Variants in KIRREL1 observed in about 807,000 individuals in gnomAD.
KIRREL1 encodes the protein kirre like nephrin family adhesion molecule 1, also known as kin of IRRE-like protein 1.
Under a neutral mutation model 83.3 loss-of-function variants are expected in KIRREL1, and 25 were observed. The observed-to-expected ratio is 0.30, with a 90% CI of 0.22 to 0.42. The LOEUF (loss-of-function observed/expected upper bound fraction) is 0.42. Among genes scored for constraint, KIRREL1 ranks in the 10% least tolerant of loss-of-function variants. KIRREL1 has a pLI of 1.00. For synonymous variants in KIRREL1, 388 were observed against 410.4 expected, an observed-to-expected ratio of 0.95 and a Z score of 0.66; for missense variants, 812 against 1,032.3, an observed-to-expected ratio of 0.79 and a Z score of 2.92.
chr1:158,007,559 C>A (rs1164200406), intron 1 of KIRREL1, among the ~76,000 whole-genome samples: 5 of 152,044 alleles, frequency 3.3e-5, no homozygotes, highest in African/African-American at 1.2e-4. Context: ...CAGGCAGAGC[C>A]CCCCGACACC....
At chr1:158,026,159 C>T (rs1660164273) in intron 1 of KIRREL1, among the ~76,000 whole-genome samples, 1 of 152,198 alleles carries the variant, frequency 6.6e-6, no homozygotes, top group Non-Finnish European at 1.5e-5. Flanking sequence ...GCTGGGGTTT[C>T]TACTCCCCAG....
At chr1:158,076,570 G>A (rs1440979617) in intron 2 of KIRREL1, among the ~76,000 whole-genome samples, 1 of 152,196 alleles carries the variant, frequency 6.6e-6, no homozygotes, top group East Asian at 1.9e-4. Flanking sequence ...GCTGCAGGCA[G>A]ACAGCTGTCT....
intron 4 of KIRREL1, among the ~76,000 whole-genome samples, chr1:158,085,181 A>T (rs190564035): frequency 5.0e-4 from 76 of 152,358 alleles, no homozygotes; most frequent in Admixed American, 7.8e-4. Context: ...GCCCAGGATT[A>T]CATAGCAAAG....
chr1:158,088,275 G>C, intron 7 of KIRREL1, 52 bp from the exon 8 acceptor site: 16 of 1,601,162 alleles, frequency 1.0e-5, no homozygotes, highest in Non-Finnish European at 1.3e-5. Flanking sequence ...ATTGATTGGA[G>C]TTAACCCCAT....
chr1:158,023,473 A>T (rs1455010512), intron 1 of KIRREL1, among the ~76,000 whole-genome samples: 1 of 152,216 alleles, frequency 6.6e-6, no homozygotes, highest in African/African-American at 2.4e-5. Flanking sequence ...CAAATATAGC[A>T]AAGAGACAGA....
At position 158,068,583 on chromosome 1, in the gene KIRREL1, C is replaced by T. The variant is rs376755763; in HGVS notation, c.53-7530C>T. 6.6e-5 allele frequency among the ~76,000 whole-genome samples: 10 copies of T among 152,356 alleles called. No homozygotes were observed. The East Asian group carries it at 1.2e-3, about 18-fold the overall frequency. The stretch of plus-strand genomic sequence containing the variant: ...AGGTTTCTTTCTCTGGATCTGTCCT[C>T]ACCCTGCCCAGCCCCAGCTCAGCAC... On this transcript the variant is annotated intron_variant, in intron 1 of 14. Coordinates refer to ENST00000359209, the MANE Select transcript of KIRREL1 (RefSeq NM_018240.7).
chr1:158,048,582 C>G (rs1283485968), intron 1 of KIRREL1, among the ~76,000 whole-genome samples: 1 of 152,126 alleles, frequency 6.6e-6, no homozygotes, highest in Non-Finnish European at 1.5e-5. Context: ...TGGAAGAGAC[C>G]GTGGAGATGT....
intron 5 of KIRREL1, 83 bp from the exon 6 acceptor site, chr1:158,087,672 C>A: frequency 1.1e-6 from 1 of 898,774 alleles, no homozygotes; most frequent in South Asian, 1.7e-5. Flanking sequence ...CCAGAGTGGT[C>A]AGGTCTGAAT....
chr1:158,088,556 C>T lies in KIRREL1; in HGVS notation c.1044+102C>T. On this transcript the variant is annotated intron_variant, in intron 8 of 14. Transcript: ENST00000359209. ...CTGGAGTGCAGTGGCGCGATCTCGG[C>T]TCACTGCAAGCTCCGCCTCCCGGGT... The T allele has an allele frequency of 1.2e-5, 12 of 1,030,632 alleles. No individual in the cohort carries two copies. In the South Asian group the frequency reaches 2.5e-4, roughly 22 times the overall value. 63.8% of individuals were successfully genotyped at this position (1,030,632 alleles called of 1,614,324 possible). A position where few individuals can be genotyped will look rare whatever the true frequency, so the allele number is the denominator to read the frequency against.
At chr1:158,016,375 A>G (rs1351378935) in intron 1 of KIRREL1, among the ~76,000 whole-genome samples, 2 of 152,198 alleles carry the variant, frequency 1.3e-5, no homozygotes, top group Non-Finnish European at 2.9e-5. Flanking sequence ...ATTGTTTCTA[A>G]TCTTTATTTT....
At chr1:158,041,485 C>A (rs1660626157) in intron 1 of KIRREL1, among the ~76,000 whole-genome samples, 3 of 152,016 alleles carry the variant, frequency 2.0e-5, no homozygotes, top group Non-Finnish European at 4.4e-5. Context: ...AGGCTCATAA[C>A]AGTCCCTCTG....
intron 1 of KIRREL1, among the ~76,000 whole-genome samples, chr1:158,038,187 G>A (rs1047038898): frequency 6.6e-6 from 1 of 152,246 alleles, no homozygotes; most frequent in African/African-American, 2.4e-5. Flanking sequence ...TTCTCCTCAT[G>A]TGTGAGCTGA....
chr1:158,086,955 C>T (rs1330854459), intron 5 of KIRREL1, among the ~76,000 whole-genome samples: 5 of 152,242 alleles, frequency 3.3e-5, no homozygotes, highest in Non-Finnish European at 7.4e-5. Context: ...AGGCAGTCCC[C>T]AGGTCTAAAC....
chr1:158,047,213 G>A (rs1394337961), intron 1 of KIRREL1, among the ~76,000 whole-genome samples: 1 of 152,218 alleles, frequency 6.6e-6, no homozygotes, highest in Non-Finnish European at 1.5e-5. Context: ...GCTCATTCAG[G>A]AAGTCAGTAT....
chr1:158,052,831 A>G (rs1183562272), intron 1 of KIRREL1, among the ~76,000 whole-genome samples: 1 of 152,102 alleles, frequency 6.6e-6, no homozygotes. Flanking sequence ...TTCTGCAGGC[A>G]CCAATATCCA....
At chr1:158,077,158 T>C (rs1020058528) in intron 2 of KIRREL1, among the ~76,000 whole-genome samples, 4 of 152,190 alleles carry the variant, frequency 2.6e-5, no homozygotes, top group African/African-American at 9.7e-5. Context: ...ATTCTTATAA[T>C]TGTTGAGGGA....
At chr1:158,076,405 G>A in intron 2 of KIRREL1, 143 bp downstream of exon 2, 2 of 749,292 alleles carry the variant, frequency 2.7e-6, no homozygotes, top group Non-Finnish European at 4.5e-6. Flanking sequence ...CTCTGCTACT[G>A]AGCTCCATTT....
chr1:158,050,403 G>C (rs1258237270), intron 1 of KIRREL1, among the ~76,000 whole-genome samples: 1 of 151,958 alleles, frequency 6.6e-6, no homozygotes, highest in Non-Finnish European at 1.5e-5. Flanking sequence ...CAACAGTAAA[G>C]CCAGAATTGT....
At chr1:158,028,893 C>T (rs1660242936) in intron 1 of KIRREL1, among the ~76,000 whole-genome samples, 1 of 152,176 alleles carries the variant, frequency 6.6e-6, no homozygotes, top group African/African-American at 2.4e-5. Context: ...TATTAGTGTA[C>T]ATTCCACTGC....
Sources: gnomAD v4.1 joint callset for allele counts (sites outside exome capture counted in the v4.1 genomes callset) on GRCh38, gnomAD v4.1.1 for gene constraint, MANE v1.5 for transcripts, NCBI Gene and HGNC (gene_info 2026-07-23, HGNC 2026-07-21) for gene names.